The following RIMS2 variants were observed in gnomAD, a reference collection of about 807,000 sequenced individuals.
RIMS2 encodes regulating synaptic membrane exocytosis protein 2.
In RIMS2, 59 loss-of-function variants were observed where a neutral mutation model predicts 174.4. The ratio of observed to expected loss-of-function variants is 0.34; its 90% CI spans 0.27 to 0.42. The LOEUF is 0.42. RIMS2 is among the 10% of genes least tolerant of loss of function. The pLI, the probability that RIMS2 is intolerant of heterozygous loss-of-function variation, is 1.00. For synonymous variants in RIMS2, 606 were observed against 572.5 expected (o/e 1.06, Z -0.84); for missense variants, 1,620 against 1,666.3 (o/e 0.97, Z 0.48).
chr8:103,991,280 C>T (rs1413539807), intron 17 of RIMS2, among the ~76,000 whole-genome samples: 1 of 151,514 alleles, frequency 6.6e-6, no homozygotes, highest in African/African-American at 2.4e-5. Context: ...CACAATTCCT[C>T]TTAATTGTGA....
intron 3 of RIMS2, among the ~76,000 whole-genome samples, chr8:103,870,325 C>G (rs961668212): frequency 2.6e-5 from 4 of 151,910 alleles, no homozygotes; most frequent in African/African-American, 9.7e-5. Flanking sequence ...CAACTCAGTG[C>G]TAAGTTTAGC....
intron 16 of RIMS2, among the ~76,000 whole-genome samples, chr8:103,984,954 T>A (rs2154549666): frequency 6.6e-6 from 1 of 152,270 alleles, no homozygotes; most frequent in Middle Eastern, 3.4e-3. Context: ...AAACATTGCA[T>A]GTTGTCACTT....
intron 3 of RIMS2, among the ~76,000 whole-genome samples, chr8:103,804,277 C>T (rs1315153847): frequency 1.3e-5 from 2 of 152,068 alleles, no homozygotes; most frequent in Non-Finnish European, 1.5e-5. Context: ...GAATGAGAAT[C>T]AAAAAGGCAA....
At chr8:104,238,617 T>C (rs539745037) in intron 19 of RIMS2, among the ~76,000 whole-genome samples, 1 of 152,134 alleles carries the variant, frequency 6.6e-6, no homozygotes, top group Non-Finnish European at 1.5e-5. Flanking sequence ...TTTACAATTA[T>C]TGATTCTTAA....
chr8:103,768,505 G>A, intron 3 of RIMS2: 1 of 1,048,520 alleles, frequency 9.5e-7, no homozygotes, highest in Non-Finnish European at 1.5e-6. Flanking sequence ...GTGTCCGCCT[G>A]CTAATGAGTA....
At chr8:104,200,492 A>C (rs906274819) in intron 19 of RIMS2, among the ~76,000 whole-genome samples, 10 of 152,248 alleles carry the variant, frequency 6.6e-5, no homozygotes, top group African/African-American at 2.4e-4. Context: ...GAATCCAAAC[A>C]CAAAGTAGTA....
At chr8:103,697,143 A>G (rs1225779830) in exon 2 of RIMS2, 2 of 1,613,854 alleles carry the variant, frequency 1.2e-6, no homozygotes, top group East Asian at 2.2e-5. Context: ...TGGGAGAAGA[A>G]TCACAGCAAC....
At chr8:103,591,755 A>G (rs79849563) in intron 1 of RIMS2, among the ~76,000 whole-genome samples, 18,721 of 151,086 alleles carry the variant, frequency 0.12, 1,252 homozygotes, top group Middle Eastern at 0.22. Flanking sequence ...CCACTGATCT[A>G]TTTATTAATC....
chr8:103,993,371 AATAG>A (rs1363399188), intron 17 of RIMS2, among the ~76,000 whole-genome samples: 1 of 152,152 alleles, frequency 6.6e-6, no homozygotes, highest in African/African-American at 2.4e-5. Flanking sequence ...ACATTCAGTT[AATAG>A]ATATATATTC....
chr8:103,733,932 T>C (rs2097646624), intron 2 of RIMS2, among the ~76,000 whole-genome samples: 1 of 151,990 alleles, frequency 6.6e-6, no homozygotes, highest in African/African-American at 2.4e-5. Flanking sequence ...TGTGGATAGT[T>C]GTTCAATTTG....
intron 2 of RIMS2, among the ~76,000 whole-genome samples, chr8:103,749,899 T>G (rs1428989995): frequency 6.6e-6 from 1 of 152,280 alleles, no homozygotes; most frequent in South Asian, 2.1e-4. Context: ...TTTGATTGTT[T>G]ATTGATTATT....
At chr8:103,530,243 A>G (rs183930073) in intron 1 of RIMS2, among the ~76,000 whole-genome samples, 1 of 152,340 alleles carries the variant, frequency 6.6e-6, no homozygotes. Context: ...TGCTGAGTTT[A>G]TTTTAAAATG....
rs139152746 is a variant in RIMS2 at position 103,809,644 on chromosome 8, T to C, written c.698+43107T>C. ...CAATACCTGCATAAAGCACAGTACC[T>C]TGAATTGCTGTAACCTTGAGATTCG... On this transcript the variant is annotated intron_variant, in intron 3 of 23. Coordinates refer to ENST00000504942, the Ensembl canonical transcript of RIMS2. 9.2e-4 allele frequency among the ~76,000 whole-genome samples: 140 copies of C among 152,302 alleles called. No homozygotes were observed. The East Asian group carries it at 0.021, about 22-fold the overall frequency.
chr8:103,846,831 A>G (rs1453015701), intron 3 of RIMS2, among the ~76,000 whole-genome samples: 1 of 152,098 alleles, frequency 6.6e-6, no homozygotes, highest in Non-Finnish European at 1.5e-5. Flanking sequence ...GATTTGGGTG[A>G]CATACCTGGT....
rs529987810 is a variant in RIMS2, at chr8:104,056,991, A to G, written c.3334+42376A>G. On this transcript the variant is annotated intron_variant, in intron 19 of 23. Coordinates refer to ENST00000504942, the Ensembl canonical transcript of RIMS2. Reference sequence around the variant, plus strand: ...CGTCAACTCTGTGGTGGTTACTTCCACTGTACTCTGCAGGCATAAAACCCT... The same window carrying G: ...CGTCAACTCTGTGGTGGTTACTTCCGCTGTACTCTGCAGGCATAAAACCCT... 6.6e-5 allele frequency among the ~76,000 whole-genome samples: 10 copies of G among 151,794 alleles called. No homozygotes were observed. In the East Asian group the frequency reaches 1.9e-3, roughly 29 times the overall value.
intron 19 of RIMS2, among the ~76,000 whole-genome samples, chr8:104,025,708 TACACAC>T (rs34638633): frequency 1.3e-5 from 2 of 149,376 alleles, no homozygotes; most frequent in East Asian, 2.0e-4. Context: ...GTTAAACGTA[TACACAC>T]ACACACACAC....
chr8:103,931,451 A>G, intron 12 of RIMS2, 58 bp downstream of exon 14: 1 of 1,217,468 alleles, frequency 8.2e-7, no homozygotes, highest in Non-Finnish European at 1.2e-6. Flanking sequence ...TGTTCATAGC[A>G]ATGGGTATTT....
chr8:103,935,234 A>G (rs913501080), intron 12 of RIMS2, among the ~76,000 whole-genome samples: 1 of 152,180 alleles, frequency 6.6e-6, no homozygotes, highest in African/African-American at 2.4e-5. Context: ...ACTTCTTTCC[A>G]TGTATAGAGA....
At chr8:103,966,627 A>G (rs1259048675) in intron 15 of RIMS2, among the ~76,000 whole-genome samples, 2 of 151,862 alleles carry the variant, frequency 1.3e-5, no homozygotes, top group African/African-American at 4.8e-5. Flanking sequence ...ACTGACTCTA[A>G]TTCTACTATT....
Sources: allele counts gnomAD v4.1 joint callset (sites outside exome capture counted in the v4.1 genomes callset), GRCh38; gene constraint gnomAD v4.1.1; transcripts MANE v1.5; gene names NCBI Gene and HGNC (gene_info 2026-07-23, HGNC 2026-07-21).